The following SETDB2 variants were observed in gnomAD, a reference collection of about 807,000 sequenced individuals.
SETDB2 encodes histone-lysine N-methyltransferase SETDB2.
In SETDB2, 56 loss-of-function variants were observed where a neutral mutation model predicts 82.5. The ratio of observed to expected loss-of-function variants is 0.68; its 90% CI spans 0.55 to 0.85. SETDB2 has a LOEUF of 0.85. Among genes scored for constraint, SETDB2 ranks in the 40% least tolerant of loss-of-function variants. SETDB2 has a pLI of 0.00. For missense variants in SETDB2, 677 were observed against 816.4 expected, an observed-to-expected ratio of 0.83 and a Z score of 2.08; for synonymous variants, 272 against 284.9, an observed-to-expected ratio of 0.95 and a Z score of 0.46.
At chr13:49,445,606 G>A (rs1436316497) in intron 1 of SETDB2, 1 of 152,084 alleles carries the variant, frequency 6.6e-6, no homozygotes, top group Non-Finnish European at 1.5e-5. Flanking sequence ...CAAATTTTCA[G>A]GTGTGAACGC....
intron 2 of SETDB2, among the ~76,000 whole-genome samples, chr13:49,457,361 C>CT (rs752477717): frequency 0.018 from 1,939 of 106,996 alleles, 15 homozygotes; most frequent in Non-Finnish European, 0.027. Flanking sequence ...ATTTCTAAGA[C>CT]TTTTTTTTTT....
At chr13:49,450,824 T>C (rs900576185) in intron 1 of SETDB2, among the ~76,000 whole-genome samples, 1 of 152,034 alleles carries the variant, frequency 6.6e-6, no homozygotes. Context: ...CCTCCAGATA[T>C]GTTATCCTAG....
At position 49,444,506 on chromosome 13, in the gene SETDB2, C is replaced by T. The variant is rs2138780590; in HGVS notation, c.-693C>T. 1 of 160,560 alleles carries T rather than the reference C, an allele frequency of 6.2e-6. No individual in the cohort carries two copies. Among genetic ancestry groups the T allele is most frequent in the African/African-American group, 2.4e-5 (1 of 41,600 alleles). 9.9% of individuals were successfully genotyped at this position (160,560 alleles called of 1,614,324 possible). A position where few individuals can be genotyped will look rare whatever the true frequency, so the allele number is the denominator to read the frequency against. ...GGCGGCGTAGAAAACGCAGCGGAGCCAGGTGAAACCAAGGCACCGCCGTGG... is the reference window on the plus strand; with the variant it reads ...GGCGGCGTAGAAAACGCAGCGGAGCTAGGTGAAACCAAGGCACCGCCGTGG... On this transcript the variant is annotated 5_prime_UTR_variant, in exon 1 of 14. Coordinates refer to ENST00000611815, the MANE Select transcript of SETDB2 (RefSeq NM_001160308.3).
intron 4 of SETDB2, among the ~76,000 whole-genome samples, chr13:49,463,041 T>C (rs1288145595): frequency 1.3e-5 from 2 of 152,180 alleles, no homozygotes; most frequent in African/African-American, 4.8e-5. Flanking sequence ...AATCTTGCTC[T>C]CTCTCCCAGG....
At chr13:49,487,087 AG>A (rs1369258548) in intron 11 of SETDB2, among the ~76,000 whole-genome samples, 1 of 152,206 alleles carries the variant, frequency 6.6e-6, no homozygotes, top group African/African-American at 2.4e-5. Flanking sequence ...GTACTCCAAA[AG>A]TCAAAAGCTA....
At chr13:49,480,419 G>T in intron 7 of SETDB2, 84 bp downstream of exon 7, 1 of 766,988 alleles carries the variant, frequency 1.3e-6, no homozygotes, top group Non-Finnish European at 2.1e-6. Context: ...TCTTATAGAT[G>T]TTAAATCTGG....
At chr13:49,458,734 A>G (rs1957939300) in intron 2 of SETDB2, among the ~76,000 whole-genome samples, 1 of 152,202 alleles carries the variant, frequency 6.6e-6, no homozygotes, top group Non-Finnish European at 1.5e-5. Context: ...GCCTCTTACT[A>G]CTTGAATTTG....
intron 2 of SETDB2, among the ~76,000 whole-genome samples, chr13:49,454,281 T>C (rs1024524076): frequency 2.6e-5 from 4 of 152,110 alleles, no homozygotes; most frequent in African/African-American, 9.7e-5. Context: ...GGCACACGCC[T>C]ATATGTAATC....
chr13:49,457,261 G>A (rs556972745), intron 2 of SETDB2, among the ~76,000 whole-genome samples: 18 of 122,990 alleles, frequency 1.5e-4, no homozygotes, highest in East Asian at 9.1e-4. Context: ...TTTATTAATC[G>A]GTTCCAAGAT....
At chr13:49,479,188 A>G (rs1043452716) in intron 6 of SETDB2, among the ~76,000 whole-genome samples, 2 of 151,956 alleles carry the variant, frequency 1.3e-5, no homozygotes, top group Admixed American at 6.6e-5. Flanking sequence ...AGTTATATCT[A>G]TGTTTTACTT....
chr13:49,454,406 CAAAAT>C (rs1957840527), intron 2 of SETDB2, among the ~76,000 whole-genome samples: 1 of 151,984 alleles, frequency 6.6e-6, no homozygotes, highest in Non-Finnish European at 1.5e-5. Context: ...AAGACTATCT[CAAAAT>C]AAATAAATAA....
chr13:49,450,340 A>C (rs1162686418), intron 1 of SETDB2, among the ~76,000 whole-genome samples: 1 of 152,134 alleles, frequency 6.6e-6, no homozygotes, highest in Non-Finnish European at 1.5e-5. Context: ...CCAGCTTACT[A>C]ACTGGCTCTT....
In SETDB2 at chr13:49,492,535, A is replaced by G. The variant is rs1407242899; in HGVS notation, c.*686A>G. 2 of 152,286 alleles carry G rather than the reference A, an allele frequency of 1.3e-5. No individual in the cohort carries two copies. The highest frequency in any genetic ancestry group is 4.8e-5 in the African/African-American group (2 of 41,460). 9.4% of individuals were successfully genotyped at this position (152,286 alleles called of 1,614,324 possible). Reference sequence around the variant, plus strand: ...ACAAACAGATAGGAGAAGAGGGAATAGAAACCTGGAGGAACTTGAATATTT... The same window carrying G: ...ACAAACAGATAGGAGAAGAGGGAATGGAAACCTGGAGGAACTTGAATATTT... On this transcript the variant is annotated 3_prime_UTR_variant, in exon 14 of 14. Coordinates refer to ENST00000611815, the MANE Select transcript of SETDB2 (RefSeq NM_001160308.3).
rs76569167 is a variant in SETDB2, at chr13:49,456,688, T to C, written c.17-3419T>C. 6.1e-3 allele frequency among the ~76,000 whole-genome samples: 925 copies of C among 152,290 alleles called. 6 individuals are homozygous for C. The highest frequency in any genetic ancestry group is 0.02 in the African/African-American group (827 of 41,568). ...GAAGTGAAGATCAGGAGCAAGAAACTAAAATTGTTTGTATTGTAGTAACTA... is the reference window on the plus strand; with the variant it reads ...GAAGTGAAGATCAGGAGCAAGAAACCAAAATTGTTTGTATTGTAGTAACTA... On this transcript the variant is annotated intron_variant, in intron 2 of 13. Coordinates refer to ENST00000611815, the MANE Select transcript of SETDB2 (RefSeq NM_001160308.3).
At chr13:49,463,250 A>G (rs1252885583) in intron 4 of SETDB2, among the ~76,000 whole-genome samples, 1 of 152,110 alleles carries the variant, frequency 6.6e-6, no homozygotes, top group African/African-American at 2.4e-5. Context: ...AGCTCAGGCA[A>G]ACTGCCTGCC....
At chr13:49,449,074 T>G (rs1048755446) in intron 1 of SETDB2, among the ~76,000 whole-genome samples, 1 of 152,226 alleles carries the variant, frequency 6.6e-6, no homozygotes, top group Non-Finnish European at 1.5e-5. Flanking sequence ...TGCTGTGACA[T>G]TTTGTGTAAT....
intron 5 of SETDB2, among the ~76,000 whole-genome samples, chr13:49,474,938 G>T (rs1217621686): frequency 1.3e-5 from 2 of 152,222 alleles, no homozygotes; most frequent in Non-Finnish European, 2.9e-5. Flanking sequence ...GACAGCACAG[G>T]TATAGACCAT....
At position 49,444,745 on chromosome 13, in the gene SETDB2, G is replaced by A. The variant is rs1957625687; in HGVS notation, c.-454G>A. ...TCTCAGGGTGCAGCCTTAATGAGAG[G>A]TGATTCCTAAGCTGCTGGGAACCTG... On this transcript the variant is annotated 5_prime_UTR_variant, in exon 1 of 14. The change creates a new upstream start codon in the 5' untranslated region. Coordinates refer to ENST00000611815, the MANE Select transcript of SETDB2 (RefSeq NM_001160308.3). The A allele has an allele frequency of 6.6e-6, 1 of 152,446 alleles. No individual in the cohort carries two copies. The highest frequency in any genetic ancestry group is 1.5e-5 in the Non-Finnish European group (1 of 68,242). The allele number at this position is 152,446 out of a possible 1,614,324, so 9.4% of individuals were successfully genotyped here. A position where few individuals can be genotyped will look rare whatever the true frequency, so the allele number is the denominator to read the frequency against.
Position 49,493,632 on chromosome 13 carries a change from A to G in SETDB2, c.*1783A>G, listed in dbSNP as rs1958752334. On this transcript the variant is annotated 3_prime_UTR_variant, in exon 14 of 14. Coordinates refer to ENST00000611815, the MANE Select transcript of SETDB2 (RefSeq NM_001160308.3). ...TTTGGAAAGGAAAAATGAAAAGTAAATGTTTTGAATCTCTGTGTGTTTGAC... is the reference window on the plus strand; with the variant it reads ...TTTGGAAAGGAAAAATGAAAAGTAAGTGTTTTGAATCTCTGTGTGTTTGAC... 1 of 152,168 alleles carries G rather than the reference A, an allele frequency of 6.6e-6. No individual in the cohort carries two copies. The highest frequency in any genetic ancestry group is 6.5e-5 in the Admixed American group (1 of 15,278). The allele number at this position is 152,168 out of a possible 1,614,324, so 9.4% of individuals were successfully genotyped here. A position where few individuals can be genotyped will look rare whatever the true frequency, so the allele number is the denominator to read the frequency against.
Sources: allele counts gnomAD v4.1 joint callset (sites outside exome capture counted in the v4.1 genomes callset), GRCh38; gene constraint gnomAD v4.1.1; transcripts MANE v1.5; gene names NCBI Gene and HGNC (gene_info 2026-07-23, HGNC 2026-07-21).